Variants in NRXN3 observed in about 807,000 individuals in gnomAD.
NRXN3 encodes neurexin III.
A neutral mutation model predicts 137.6 loss-of-function variants in NRXN3; 32 were observed. The ratio of observed to expected loss-of-function variants is 0.23; its 90% CI spans 0.18 to 0.31. The LOEUF (loss-of-function observed/expected upper bound fraction) is 0.31, where lower values mean the gene tolerates loss of function less well. NRXN3 is among the 10% of genes least tolerant of loss of function. The pLI is 1.00. For missense variants in NRXN3, 1,574 were observed against 2,062.5 expected (o/e 0.76, Z 4.59); for synonymous variants, 798 against 784.5 (o/e 1.02, Z -0.29).
chr14:79,591,629 T>A (rs1391737252), intron 16 of NRXN3, among the ~76,000 whole-genome samples: 1 of 152,206 alleles, frequency 6.6e-6, no homozygotes. Context: ...ACTGTAATTT[T>A]CATGTTTCTT....
intron 15 of NRXN3, among the ~76,000 whole-genome samples, chr14:79,409,497 A>G (rs1036608171): frequency 2.7e-5 from 4 of 150,266 alleles, no homozygotes. Context: ...GTAGTCTGCT[A>G]CACATATATA....
At chr14:78,826,885 A>G (rs942246239) in intron 10 of NRXN3, among the ~76,000 whole-genome samples, 6 of 152,316 alleles carry the variant, frequency 3.9e-5, no homozygotes, top group Non-Finnish European at 8.8e-5. Flanking sequence ...AAAACAATCC[A>G]TCACATTTTT....
chr14:79,631,002 C>T (rs1225668321), intron 16 of NRXN3, among the ~76,000 whole-genome samples: 1 of 152,158 alleles, frequency 6.6e-6, no homozygotes, highest in Admixed American at 6.5e-5. Flanking sequence ...TTACAGCACT[C>T]TGATTTTAGC....
At chr14:79,628,816 G>A (rs2098311419) in intron 16 of NRXN3, among the ~76,000 whole-genome samples, 2 of 152,170 alleles carry the variant, frequency 1.3e-5, no homozygotes, top group African/African-American at 2.4e-5. Flanking sequence ...AAAACTGTAC[G>A]ACGTGAAAGT....
At chr14:78,953,787 C>T (rs61995260) in intron 10 of NRXN3, among the ~76,000 whole-genome samples, 2,910 of 152,038 alleles carry the variant, frequency 0.019, 33 homozygotes, top group Middle Eastern at 0.048. Context: ...ATTACTTAAA[C>T]TATAAAAGAG....
intron 4 of NRXN3, among the ~76,000 whole-genome samples, chr14:78,615,775 C>CA (rs368091424): frequency 0.011 from 1,635 of 151,536 alleles, 27 homozygotes; most frequent in African/African-American, 0.037. Flanking sequence ...TCTCTACCCC[C>CA]AAAAAAAACA....
At chr14:78,499,724 C>T (rs536185117) in intron 4 of NRXN3, among the ~76,000 whole-genome samples, 1 of 152,232 alleles carries the variant, frequency 6.6e-6, no homozygotes, top group East Asian at 1.9e-4. Flanking sequence ...TCCAAGTTCA[C>T]CTGGTTGTAA....
intron 11 of NRXN3, among the ~76,000 whole-genome samples, chr14:78,961,745 G>GT (rs1381335360): frequency 6.6e-6 from 1 of 152,200 alleles, no homozygotes; most frequent in Non-Finnish European, 1.5e-5. Context: ...AAGTCAGGCA[G>GT]TACAGCCCTG....
At chr14:79,776,066 G>A (rs185206561) in intron 19 of NRXN3, among the ~76,000 whole-genome samples, 1 of 152,224 alleles carries the variant, frequency 6.6e-6, no homozygotes. Flanking sequence ...AGAAATATGG[G>A]GTGGGAGTAT....
chr14:79,661,451 A>G (rs1461742173), intron 16 of NRXN3, among the ~76,000 whole-genome samples: 3 of 152,116 alleles, frequency 2.0e-5, no homozygotes, highest in Admixed American at 6.6e-5. Flanking sequence ...CTTTTATTGG[A>G]TACAAGATGA....
At chr14:79,665,569 A>ATC (rs919201185) in intron 17 of NRXN3, among the ~76,000 whole-genome samples, 6 of 152,010 alleles carry the variant, frequency 3.9e-5, no homozygotes, top group African/African-American at 1.2e-4. Context: ...AAAAAAATCA[A>ATC]TCTCTCTCTC....
At chr14:79,593,179 T>C (rs991810850) in intron 16 of NRXN3, among the ~76,000 whole-genome samples, 1 of 152,142 alleles carries the variant, frequency 6.6e-6, no homozygotes, top group African/African-American at 2.4e-5. Flanking sequence ...CTCCCCTCAC[T>C]ACTGATCGCT....
rs1246714442 is a variant in NRXN3 at position 78,968,365 on chromosome 14, T to C, written c.3142+19T>C. 5 of 1,609,276 alleles carry C rather than the reference T, an allele frequency of 3.1e-6. No homozygotes were observed. Among genetic ancestry groups the C allele is most frequent in the Non-Finnish European group, 4.2e-6 (5 of 1,176,722 alleles). Reference sequence around the variant, plus strand: ...TGTGAAGGTACAACCTATTTTTTTCTTGTTAAGCTACAGCCTTGTTGCAAG... The same window carrying C: ...TGTGAAGGTACAACCTATTTTTTTCCTGTTAAGCTACAGCCTTGTTGCAAG... On this transcript the variant is annotated intron_variant, in intron 14 of 20. Coordinates refer to ENST00000335750, the MANE Select transcript of NRXN3 (RefSeq NM_001330195.2).
intron 4 of NRXN3, among the ~76,000 whole-genome samples, chr14:78,515,805 C>T (rs574621548): frequency 3.3e-4 from 50 of 152,068 alleles, no homozygotes; most frequent in African/African-American, 1.1e-3. Context: ...CTGGAAGGAA[C>T]GGAATAGGAA....
At chr14:78,971,167 G>A (rs1275121915) in intron 14 of NRXN3, among the ~76,000 whole-genome samples, 3 of 152,068 alleles carry the variant, frequency 2.0e-5, no homozygotes, top group Non-Finnish European at 2.9e-5. Flanking sequence ...GGTAAAGGGA[G>A]AGCACAAAAC....
chr14:79,714,231 A>G (rs2098815975), intron 19 of NRXN3, among the ~76,000 whole-genome samples: 1 of 152,208 alleles, frequency 6.6e-6, no homozygotes, highest in Non-Finnish European at 1.5e-5. Flanking sequence ...TCCAATAGGA[A>G]TTATATATAC....
At chr14:79,827,222 C>T (rs573876404) in intron 20 of NRXN3, among the ~76,000 whole-genome samples, 3 of 152,108 alleles carry the variant, frequency 2.0e-5, no homozygotes, top group Admixed American at 6.5e-5. Flanking sequence ...ATGAGCATAC[C>T]ATGGTAGGAC....
chr14:79,461,413 T>C (rs1488152598), intron 15 of NRXN3, among the ~76,000 whole-genome samples: 1 of 152,178 alleles, frequency 6.6e-6, no homozygotes, highest in African/African-American at 2.4e-5. Context: ...AATTTGAAAA[T>C]CATTTAATTC....
intron 15 of NRXN3, among the ~76,000 whole-genome samples, chr14:79,090,669 A>ACCAACTGTCAGCAGAAGAAAGT (rs1352220858): frequency 7.9e-5 from 12 of 152,136 alleles, no homozygotes; most frequent in African/African-American, 2.6e-4. Context: ...CCAGCCATCC[A>ACCAACTGTCAGCAGAAGAAAGT]CCAACTGTCA....
Sources: gnomAD v4.1 joint callset for allele counts (sites outside exome capture counted in the v4.1 genomes callset) on GRCh38, gnomAD v4.1.1 for gene constraint, MANE v1.5 for transcripts, NCBI Gene and HGNC (gene_info 2026-07-23, HGNC 2026-07-21) for gene names.